Variants in STXBP5L observed in about 807,000 individuals in gnomAD.
STXBP5L encodes syntaxin binding protein 5L.
STXBP5L carries 65 observed loss-of-function variants against 144.5 expected under a neutral mutation model. The ratio of observed to expected loss-of-function variants is 0.45; its 90% CI spans 0.37 to 0.55. STXBP5L has a LOEUF of 0.55. Among genes scored for constraint, STXBP5L ranks in the 20% least tolerant of loss-of-function variants. The pLI is 0.00. For synonymous variants in STXBP5L, 505 were observed against 469.6 expected, an observed-to-expected ratio of 1.08 and a Z score of -0.97; for missense variants, 1,298 against 1,405.5, an observed-to-expected ratio of 0.92 and a Z score of 1.22.
chr3:121,158,824 A>C (rs1051701881), intron 9 of STXBP5L: 1 of 152,082 alleles, frequency 6.6e-6, no homozygotes, highest in Non-Finnish European at 1.5e-5. Flanking sequence ...CTCAAATATC[A>C]GTTTCTATTA....
chr3:121,126,033 A>G (rs966581326), intron 7 of STXBP5L, among the ~76,000 whole-genome samples: 2 of 152,100 alleles, frequency 1.3e-5, no homozygotes, highest in Admixed American at 6.6e-5. Flanking sequence ...GCTTCTCCCC[A>G]TGAAATAGTA....
chr3:121,284,674 C>T (rs2051172016), intron 19 of STXBP5L, among the ~76,000 whole-genome samples: 1 of 152,094 alleles, frequency 6.6e-6, no homozygotes, highest in African/African-American at 2.4e-5. Flanking sequence ...TGCCAGAAAA[C>T]TTTTCAAATC....
At chr3:121,103,195 G>A (rs753763838) in intron 5 of STXBP5L, among the ~76,000 whole-genome samples, 4 of 150,968 alleles carry the variant, frequency 2.6e-5, no homozygotes, top group South Asian at 2.1e-4. Flanking sequence ...CCATTACTGG[G>A]TATATATCCA....
At chr3:121,183,696 G>T (rs749121753) in intron 9 of STXBP5L, among the ~76,000 whole-genome samples, 2 of 151,976 alleles carry the variant, frequency 1.3e-5, no homozygotes, top group African/African-American at 2.4e-5. Context: ...AAGCAAGGAA[G>T]GGCAAGGAAA....
chr3:121,165,523 G>T (rs1368387258), intron 9 of STXBP5L, among the ~76,000 whole-genome samples: 3 of 152,114 alleles, frequency 2.0e-5, no homozygotes, highest in Non-Finnish European at 2.9e-5. Flanking sequence ...AGTGGTTTAG[G>T]TTGGACATCT....
At chr3:120,986,018 C>CT (rs1003600087) in intron 3 of STXBP5L, among the ~76,000 whole-genome samples, 18 of 151,732 alleles carry the variant, frequency 1.2e-4, no homozygotes, top group Middle Eastern at 3.4e-3. Context: ...TTGTTTGAGA[C>CT]TTTTTTAAAA....
rs189371893 is a variant in STXBP5L at position 121,305,840 on chromosome 3, T to A, written c.2111-12635T>A. Among the ~76,000 whole-genome samples the A allele has an allele frequency of 6.9e-4, 105 of 152,132 alleles. No homozygotes were observed. The East Asian group carries it at 0.018, about 26-fold the overall frequency. On this transcript the variant is annotated intron_variant, in intron 19 of 26. Coordinates refer to ENST00000471454, the MANE Select transcript of STXBP5L (RefSeq NM_001308330.2). ...ATATGCCTAAAGATTAGAAAGAAAA[T>A]TTAAAACTGTCTTTACTTGCCAATG...
In STXBP5L at chr3:121,183,649, AAAAG is replaced by A. The variant is rs199712229; in HGVS notation, c.878-22263_878-22260del. On this transcript the variant is annotated intron_variant, in intron 9 of 26. Coordinates refer to ENST00000471454, the MANE Select transcript of STXBP5L (RefSeq NM_001308330.2). The stretch of plus-strand genomic sequence containing the variant: ...AGGGAGGGAGGAAGGAAAGAAAGAA[AAAAG>A]AAAGAAAGAAGGAAGGGAGGGAGGG... Among the ~76,000 whole-genome samples the A allele has an allele frequency of 4.2e-3, 639 of 151,530 alleles. 5 individuals are homozygous for A. Among genetic ancestry groups the A allele is most frequent in the East Asian group, 0.013 (66 of 4,980 alleles).
In STXBP5L at chr3:120,909,666, G is replaced by T. The variant is rs1708723366; in HGVS notation, c.88G>T (p.Gly30Cys). Reference protein sequence around the residue: ...SGSSSGSNSGGGAGSGSVHPA... With the variant: ...SGSSSGSNSGCGAGSGSVHPA... Reference sequence around the variant, plus strand: ...TAGCAGCAGTGGCAGTAACAGTGGTGGTGGGGCTGGAAGTGGTTCCGTACA... The same window carrying T: ...TAGCAGCAGTGGCAGTAACAGTGGTTGTGGGGCTGGAAGTGGTTCCGTACA... The change falls in exon 2 of 27, where the codon GGT (glycine) becomes TGT (cysteine). Residue 30 changes from glycine to cysteine, a missense_variant. By Grantham distance (159) the Gly-to-Cys change is radical (BLOSUM62 -3). Coordinates refer to ENST00000471454, the MANE Select transcript of STXBP5L (RefSeq NM_001308330.2). 1 of 1,613,656 alleles carries T rather than the reference G, an allele frequency of 6.2e-7. No homozygotes were observed.
intron 20 of STXBP5L, among the ~76,000 whole-genome samples, chr3:121,343,644 C>T (rs2044826037): frequency 6.6e-6 from 1 of 152,072 alleles, no homozygotes; most frequent in Non-Finnish European, 1.5e-5. Context: ...AACACCCATT[C>T]ACAATTGCTT....
intron 5 of STXBP5L, among the ~76,000 whole-genome samples, chr3:121,059,209 A>T (rs1176863405): frequency 1.3e-5 from 2 of 152,070 alleles, no homozygotes; most frequent in Non-Finnish European, 2.9e-5. Context: ...AGTTTTCCCA[A>T]CACCATTTAT....
chr3:121,299,148 C>CA (rs1413845341), intron 19 of STXBP5L, among the ~76,000 whole-genome samples: 2 of 152,190 alleles, frequency 1.3e-5, no homozygotes, highest in East Asian at 1.9e-4. Context: ...ATTAAGTAGA[C>CA]AAAAAATCAA....
chr3:121,398,499 CA>C (rs1560056256), intron 22 of STXBP5L, among the ~76,000 whole-genome samples: 1 of 152,242 alleles, frequency 6.6e-6, no homozygotes, highest in Non-Finnish European at 1.5e-5. Flanking sequence ...CCATCTTTAT[CA>C]AACCTAGAGT....
chr3:121,068,697 T>A (rs1412302373), intron 5 of STXBP5L, among the ~76,000 whole-genome samples: 1 of 152,144 alleles, frequency 6.6e-6, no homozygotes, highest in Non-Finnish European at 1.5e-5. Context: ...AATACATTGC[T>A]AATATAGTTT....
intron 3 of STXBP5L, among the ~76,000 whole-genome samples, chr3:121,026,318 A>G (rs1201488576): frequency 1.3e-5 from 2 of 151,922 alleles, no homozygotes; most frequent in Admixed American, 6.6e-5. Context: ...TTTTATATTC[A>G]TGCCTGAGCT....
intron 20 of STXBP5L, among the ~76,000 whole-genome samples, chr3:121,330,668 C>T (rs995855127): frequency 1.3e-5 from 2 of 152,142 alleles, no homozygotes; most frequent in Non-Finnish European, 2.9e-5. Context: ...GCAAATGCTA[C>T]CCCCTGGCTG....
At chr3:121,338,398 C>T (rs1037023607) in intron 20 of STXBP5L, among the ~76,000 whole-genome samples, 1 of 151,608 alleles carries the variant, frequency 6.6e-6, no homozygotes, top group African/African-American at 2.4e-5. Context: ...AATCCCAGCA[C>T]TTTGGGAGTC....
chr3:120,951,036 A>G (rs1576470436), intron 2 of STXBP5L, among the ~76,000 whole-genome samples: 1 of 152,170 alleles, frequency 6.6e-6, no homozygotes, highest in Non-Finnish European at 1.5e-5. Flanking sequence ...AAACCTGAGA[A>G]AAACAAGCAA....
intron 3 of STXBP5L, among the ~76,000 whole-genome samples, chr3:120,962,178 C>T: frequency 6.6e-6 from 1 of 151,996 alleles, no homozygotes; most frequent in Non-Finnish European, 1.5e-5. Flanking sequence ...GGATATTAGC[C>T]CTTTGTCAGA....
Sources: allele counts gnomAD v4.1 joint callset (sites outside exome capture counted in the v4.1 genomes callset), GRCh38; gene constraint gnomAD v4.1.1; transcripts MANE v1.5; gene names NCBI Gene and HGNC (gene_info 2026-07-23, HGNC 2026-07-21).